The following MED13 variants were observed in gnomAD, a reference collection of about 807,000 sequenced individuals.
The protein encoded by MED13 is mediator of RNA polymerase II transcription subunit 13.
A neutral mutation model predicts 225.2 loss-of-function variants in MED13; 23 were observed. The ratio of observed to expected loss-of-function variants is 0.10; its 90% confidence interval spans 0.07 to 0.14. The LOEUF (loss-of-function observed/expected upper bound fraction) is 0.14. MED13 is among the 10% of genes least tolerant of loss of function. The probability of loss-of-function intolerance (pLI) is 1.00; values close to 1 mark genes in which losing one functional copy is unlikely to be tolerated. For missense variants in MED13, 2,197 were observed against 2,594.5 expected (o/e 0.85, Z 3.33); for synonymous variants, 942 against 889.2 (o/e 1.06, Z -1.06).
intron 11 of MED13, among the ~76,000 whole-genome samples, chr17:61,989,413 C>T (rs2080276462): frequency 6.6e-6 from 1 of 152,200 alleles, no homozygotes; most frequent in African/African-American, 2.4e-5. Context: ...GCGATCCTGG[C>T]TCACTGCAAC....
rs147399023 is a variant in MED13 at position 61,982,551 on chromosome 17, C to T, written c.3452G>A (p.Arg1151His). Residue 1151 changes from arginine to histidine, a missense_variant, in exon 16 of 30, where the codon CGC (arginine) becomes CAC (histidine). Around this residue, in one of 12 missense-constraint regions of MED13, gnomAD observed 203 missense variants for 209.7 expected, o/e 0.97. Transcript: ENST00000397786. ...TGCTTCTTTGCCACAGTCTGTATTGCGTCCTATGATATCTAGTTCATCTTC... is the reference window on the plus strand; with the variant it reads ...TGCTTCTTTGCCACAGTCTGTATTGTGTCCTATGATATCTAGTTCATCTTC... ...FLEDELDIIG[R>H]NTDCGKEAEK... 27 of 1,614,144 alleles carry T rather than the reference C, an allele frequency of 1.7e-5. No homozygotes were observed. Among genetic ancestry groups the T allele is most frequent in the East Asian group, 8.9e-5 (4 of 44,880 alleles).
chr17:62,013,858 GT>G (rs1255987583), intron 8 of MED13, among the ~76,000 whole-genome samples: 2 of 152,136 alleles, frequency 1.3e-5, no homozygotes, highest in Non-Finnish European at 2.9e-5. Context: ...GGCCAACATG[GT>G]GAAACCCCGT....
At chr17:62,051,600 A>C (rs989979366) in intron 3 of MED13, among the ~76,000 whole-genome samples, 1 of 152,090 alleles carries the variant, frequency 6.6e-6, no homozygotes, top group Non-Finnish European at 1.5e-5. Context: ...AGGCTTATCT[A>C]CTCATCCAGT....
chr17:62,012,799 CTT>C (rs1027058014), intron 8 of MED13, among the ~76,000 whole-genome samples: 1 of 145,278 alleles, frequency 6.9e-6, no homozygotes, highest in Non-Finnish European at 1.5e-5. Flanking sequence ...TACTGAGACA[CTT>C]TTTTTTTTTT....
In MED13 at chr17:61,946,544, T is replaced by C; in HGVS notation, c.6449A>G (p.Gln2150Arg). ...AATTGGGAGACATGAGCGTCTGTCC[T>C]GGGTTGCAGGGTCACAGGTTAGCCA... ...LSWLTCDPAT[Q>R]DRRSCLPIHF... is the part of the protein sequence containing the mutation. The change falls in exon 30 of 30, where the codon CAG becomes CGG. Residue 2150 changes from glutamine (Q) to arginine (R), a missense_variant. By Grantham distance (43) the Gln-to-Arg change is conservative (BLOSUM62 1). Coordinates refer to ENST00000397786, the MANE Select transcript of MED13 (RefSeq NM_005121.3). 2 of 1,614,120 alleles carry C rather than the reference T, an allele frequency of 1.2e-6. No homozygotes were observed. The highest frequency in any genetic ancestry group is 1.6e-4 in the Middle Eastern group (1 of 6,062).
chr17:62,035,919 T>C (rs960087448), intron 3 of MED13, among the ~76,000 whole-genome samples: 3 of 152,060 alleles, frequency 2.0e-5, no homozygotes, highest in Admixed American at 6.6e-5. Context: ...TGGAAAGGGA[T>C]AGGCTACCAA....
intron 3 of MED13, among the ~76,000 whole-genome samples, chr17:62,048,715 G>A (rs2080925757): frequency 6.6e-6 from 1 of 152,096 alleles, no homozygotes; most frequent in Non-Finnish European, 1.5e-5. Flanking sequence ...TCTCCTCTGG[G>A]AAAACTACTT....
At position 62,034,002 on chromosome 17, in the gene MED13, A is replaced by G; in HGVS notation, c.617-18T>C. On this transcript the variant is annotated intron_variant, in intron 4 of 29. Coordinates refer to ENST00000397786, the MANE Select transcript of MED13 (RefSeq NM_005121.3). ...TAAGATAACTAGAAACCCAAAGCAGACATCAAATAAGTAACAAAAGACTGT... is the reference window on the plus strand; with the variant it reads ...TAAGATAACTAGAAACCCAAAGCAGGCATCAAATAAGTAACAAAAGACTGT... 6.2e-7 allele frequency: 1 copy of G among 1,603,364 alleles called. No homozygotes were observed. Among genetic ancestry groups the G allele is most frequent in the Non-Finnish European group, 8.5e-7 (1 of 1,172,532 alleles).
chr17:62,001,398 T>C (rs1396321308), intron 9 of MED13, among the ~76,000 whole-genome samples: 1 of 152,208 alleles, frequency 6.6e-6, no homozygotes, highest in Non-Finnish European at 1.5e-5. Context: ...TGATCTCCTT[T>C]CACACAGACA....
chr17:62,023,725 A>G (rs2080672025), intron 8 of MED13, among the ~76,000 whole-genome samples: 1 of 135,754 alleles, frequency 7.4e-6, no homozygotes, highest in Non-Finnish European at 1.5e-5. Context: ...TAACAGAGTC[A>G]GTTATCAATG....
chr17:61,963,805 CAG>C (rs1329302950), intron 20 of MED13, among the ~76,000 whole-genome samples: 1 of 152,078 alleles, frequency 6.6e-6, no homozygotes, highest in African/African-American at 2.4e-5. Flanking sequence ...GGGTAGCTGA[CAG>C]ATATAATTAA....
At chr17:61,970,313 T>C (rs925038658) in intron 17 of MED13, among the ~76,000 whole-genome samples, 6 of 152,180 alleles carry the variant, frequency 3.9e-5, no homozygotes, top group Admixed American at 1.3e-4. Context: ...ATAACCATTT[T>C]TCATCCACTG....
chr17:62,064,060 A>T (rs2081062419), intron 1 of MED13, among the ~76,000 whole-genome samples: 2 of 152,226 alleles, frequency 1.3e-5, no homozygotes, highest in Admixed American at 1.3e-4. Context: ...TCTAACTTAA[A>T]GGAGCAAAGC....
chr17:61,950,383 T>C (rs1265986017), intron 28 of MED13, among the ~76,000 whole-genome samples: 1 of 151,704 alleles, frequency 6.6e-6, no homozygotes, highest in Admixed American at 6.6e-5. Context: ...TAAAAACTAG[T>C]TGTTTTTTTT....
intron 22 of MED13, 51 bp downstream of exon 22, chr17:61,961,537 A>C: frequency 7.3e-7 from 1 of 1,364,560 alleles, no homozygotes; most frequent in Non-Finnish European, 1.0e-6. Context: ...AAAAAAAAAA[A>C]AAAAGGTATG....
intron 8 of MED13, among the ~76,000 whole-genome samples, chr17:62,019,459 A>C (rs1200030552): frequency 2.0e-5 from 3 of 152,230 alleles, no homozygotes; most frequent in Non-Finnish European, 4.4e-5. Flanking sequence ...TGAGACAAAA[A>C]AGTTTGAGAA....
Position 62,031,398 on chromosome 17 carries a change from CA to C in MED13, c.1009+45del, listed in dbSNP as rs765020473. The C allele has an allele frequency of 4.2e-6, 6 of 1,435,248 alleles. No individual in the cohort carries two copies. In the South Asian group the frequency reaches 7.3e-5, roughly 17 times the overall value. 88.9% of individuals were successfully genotyped at this position (1,435,248 alleles called of 1,614,324 possible). ...TTATTTCTTAAGTACTTACTGTACA[CA>C]AAATAACAAATTACCAGAGCTGATG... On this transcript the variant is annotated intron_variant, in intron 6 of 29. Coordinates refer to ENST00000397786, the MANE Select transcript of MED13 (RefSeq NM_005121.3).
At chr17:62,061,812 C>T (rs2081041503) in intron 2 of MED13, among the ~76,000 whole-genome samples, 1 of 152,110 alleles carries the variant, frequency 6.6e-6, no homozygotes, top group Non-Finnish European at 1.5e-5. Context: ...ACATTTAGAA[C>T]TACATTAAAT....
chr17:61,949,584 CCACT>C (rs1215733811), intron 28 of MED13, among the ~76,000 whole-genome samples: 6 of 149,708 alleles, frequency 4.0e-5, no homozygotes, highest in South Asian at 2.1e-4. Flanking sequence ...TATTTAAAAA[CCACT>C]CAGTTTTTTT....
Sources: gnomAD v4.1 joint callset for allele counts (sites outside exome capture counted in the v4.1 genomes callset) on GRCh38, gnomAD v4.1.1 for gene constraint, gnomAD v4.1.1 regional missense constraint, MANE v1.5 for transcripts, NCBI Gene and HGNC (gene_info 2026-07-23, HGNC 2026-07-21) for gene names.